LZTFL1: variants seen among roughly 807,000 people sequenced by gnomAD.
The protein encoded by LZTFL1 is leucine zipper transcription factor-like protein 1.
LZTFL1 carries 25 observed loss-of-function variants against 45.9 expected under a neutral mutation model. That is an observed-to-expected ratio of 0.54 (90% CI 0.40 to 0.76). The LOEUF is 0.76. LZTFL1 is among the 30% of genes least tolerant of loss of function. The pLI is 0.00. For missense variants in LZTFL1, 277 were observed against 331.1 expected, an observed-to-expected ratio of 0.84 and a Z score of 1.27; for synonymous variants, 93 against 117.4, an observed-to-expected ratio of 0.79 and a Z score of 1.35.
Position 45,901,816 on chromosome 3 carries a change from G to C in LZTFL1, c.-215+11304C>G, listed in dbSNP as rs200110811. 1 of 1,614,028 alleles carries C rather than the reference G, an allele frequency of 6.2e-7. No homozygotes were observed. The highest frequency in any genetic ancestry group is 1.1e-5 in the South Asian group (1 of 91,080). The stretch of plus-strand genomic sequence containing the variant: ...TTGGGTTGCATCAGCCAGGCCCAGT[G>C]GGTTTCATTTACAAGGAGAGAGGGA... On this transcript the variant is annotated intron_variant, in intron 2 of 4. Coordinates refer to the LZTFL1 transcript ENST00000472635. This position sits in a 1 kb window ranked among gnomAD's most constrained non-coding sequence, Gnocchi z 4.3.
chr3:45,844,753 G>A (rs1005005535), upstream of LZTFL1, among the ~76,000 whole-genome samples: 2 of 152,148 alleles, frequency 1.3e-5, no homozygotes, highest in African/African-American at 4.8e-5. Context: ...ATTTGAGTAG[G>A]CCTGAAGTAG....
upstream of LZTFL1, among the ~76,000 whole-genome samples, chr3:45,845,327 A>G (rs748137243): frequency 6.6e-6 from 1 of 152,232 alleles, no homozygotes; most frequent in Non-Finnish European, 1.5e-5. Flanking sequence ...AATAATTTCA[A>G]AGTAGACAGT....
chr3:45,855,993 T>G (rs1212751141), intron 3 of LZTFL1, among the ~76,000 whole-genome samples: 1 of 152,190 alleles, frequency 6.6e-6, no homozygotes, highest in Non-Finnish European at 1.5e-5. Flanking sequence ...ATTTATAGAT[T>G]CAATGCTATT....
intron 4 of LZTFL1, among the ~76,000 whole-genome samples, chr3:45,850,855 G>T (rs1701296444): frequency 6.6e-6 from 1 of 152,208 alleles, no homozygotes; most frequent in African/African-American, 2.4e-5. Context: ...TTGCTCTGCT[G>T]CTCCCTCTTC....
rs144940552 is a variant in LZTFL1 at position 45,901,258 on chromosome 3, G to T, written c.-215+11862C>A. 4 of 1,614,202 alleles carry T rather than the reference G, an allele frequency of 2.5e-6. No individual in the cohort carries two copies. The highest frequency in any genetic ancestry group is 3.4e-6 in the Non-Finnish European group (4 of 1,180,044). ...GCCCAGGCCATGAGAGCACATACTT[G>T]GAGGGAGAAAAGGCTTTTGTACAGC... On this transcript the variant is annotated intron_variant, in intron 2 of 4. Transcript: ENST00000472635. The surrounding 1 kb of genome is among the most constrained non-coding windows in gnomAD (Gnocchi z 4.3).
intron 2 of LZTFL1, among the ~76,000 whole-genome samples, chr3:45,879,647 A>G (rs559729738): frequency 2.8e-4 from 43 of 152,320 alleles, no homozygotes; most frequent in African/African-American, 1.0e-3. Context: ...CCTAAAGTAA[A>G]CTACTTTGGG....
chr3:45,841,827 C>T (rs1331434772), intron 1 of LZTFL1, 162 bp downstream of exon 1: 48 of 927,944 alleles, frequency 5.2e-5, no homozygotes, highest in Non-Finnish European at 7.0e-5. Flanking sequence ...TGCGGTTAAC[C>T]GAATCTCTCG....
chr3:45,904,131 G>A (rs1702633442), intron 2 of LZTFL1, among the ~76,000 whole-genome samples: 1 of 152,044 alleles, frequency 6.6e-6, no homozygotes, highest in African/African-American at 2.4e-5. Context: ...GACCTGTTCT[G>A]GTACATGTTT....
Position 45,890,258 on chromosome 3 carries a change from A to AATATATATATATATTTAT in LZTFL1, c.-215+22861_-215+22862insATAAATATATATATATAT, listed in dbSNP as rs1702107893. 4.7e-5 allele frequency among the ~76,000 whole-genome samples: 2 copies of AATATATATATATATTTAT among 42,302 alleles called. 1 individual carries two copies. The highest frequency in any genetic ancestry group is 6.8e-5 in the Non-Finnish European group (2 of 29,314). 27.8% of individuals were successfully genotyped at this position (42,302 alleles called of 152,430 possible). On this transcript the variant is annotated intron_variant, in intron 2 of 4. Coordinates refer to the LZTFL1 transcript ENST00000472635. ...GGTGACATAAGCCCTGGGTATTAGA[A>AATATATATATATATTTAT]ATATATATATAACATATATATATAT... is the stretch of plus-strand genomic sequence containing the variant.
At position 45,823,399 on chromosome 3, in the gene LZTFL1, A is replaced by G. The variant is rs1437660455; in HGVS notation, c.*2915T>C. 6.6e-6 allele frequency: 1 copy of G among 152,246 alleles called. No individual in the cohort carries two copies. Among genetic ancestry groups the G allele is most frequent in the Non-Finnish European group, 1.5e-5 (1 of 68,052 alleles). The allele number at this position is 152,246 out of a possible 1,614,324, so 9.4% of individuals were successfully genotyped here. On this transcript the variant is annotated 3_prime_UTR_variant, in exon 10 of 10. Transcript: ENST00000296135. ...CAAAAAAGAGAGGAAGTTATACTTC[A>G]TATAATGTAAGAGATTGAGTACTGT... is the stretch of plus-strand genomic sequence containing the variant.
intron 2 of LZTFL1, among the ~76,000 whole-genome samples, chr3:45,882,605 A>C (rs1701879378): frequency 6.6e-6 from 1 of 152,168 alleles, no homozygotes; most frequent in Non-Finnish European, 1.5e-5. Flanking sequence ...AATGAACAAG[A>C]GGTAACCGAC....
intron 4 of LZTFL1, among the ~76,000 whole-genome samples, chr3:45,854,800 T>C (rs994753440): frequency 7.9e-5 from 12 of 152,214 alleles, no homozygotes; most frequent in African/African-American, 2.9e-4. Flanking sequence ...TTCTCCTCTC[T>C]CTCCTGCTGC....
intron 2 of LZTFL1, among the ~76,000 whole-genome samples, chr3:45,871,943 G>T (rs759594316): frequency 1.3e-5 from 2 of 152,178 alleles, no homozygotes; most frequent in Non-Finnish European, 2.9e-5. Context: ...GTGTTTATCA[G>T]TTGCCCACGT....
At chr3:45,850,492 C>A (rs1043678334) in intron 4 of LZTFL1, among the ~76,000 whole-genome samples, 1 of 152,178 alleles carries the variant, frequency 6.6e-6, no homozygotes, top group Non-Finnish European at 1.5e-5. Flanking sequence ...CCATGTGGAC[C>A]ATTCCTTCCT....
chr3:45,866,187 G>A (rs1422255050), intron 2 of LZTFL1, among the ~76,000 whole-genome samples: 1 of 152,182 alleles, frequency 6.6e-6, no homozygotes, highest in African/African-American at 2.4e-5. Flanking sequence ...CTTTTGGGGT[G>A]ATGGATATGT....
intron 2 of LZTFL1, among the ~76,000 whole-genome samples, chr3:45,904,386 A>G (rs1702637665): frequency 6.6e-6 from 1 of 152,202 alleles, no homozygotes; most frequent in South Asian, 2.1e-4. Context: ...CTGGTGGTCA[A>G]GGAAGGAACT....
intron 8 of LZTFL1, among the ~76,000 whole-genome samples, chr3:45,827,838 AT>A (rs1700707990): frequency 6.6e-6 from 1 of 152,046 alleles, no homozygotes; most frequent in African/African-American, 2.4e-5. Flanking sequence ...TAGCTCCCAT[AT>A]TCTTTTTTCC....
chr3:45,855,645 C>G (rs1701380367), intron 3 of LZTFL1, among the ~76,000 whole-genome samples: 1 of 152,158 alleles, frequency 6.6e-6, no homozygotes, highest in African/African-American at 2.4e-5. Flanking sequence ...GATCCTATAT[C>G]TAGAAAACCC....
chr3:45,895,894 T>G (rs1258533997), intron 2 of LZTFL1, among the ~76,000 whole-genome samples: 1 of 152,128 alleles, frequency 6.6e-6, no homozygotes, highest in Non-Finnish European at 1.5e-5. Flanking sequence ...AAAGCCTGGG[T>G]TTTACATGTA....
Sources: gnomAD v4.1 joint callset for allele counts (sites outside exome capture counted in the v4.1 genomes callset) on GRCh38, gnomAD v4.1.1 for gene constraint, Gnocchi (gnomAD v3.1) non-coding constraint, MANE v1.5 for transcripts, NCBI Gene and HGNC (gene_info 2026-07-23, HGNC 2026-07-21) for gene names.